The following ACSS3 variants were observed in gnomAD, a reference collection of about 807,000 sequenced individuals.
The protein encoded by ACSS3 is acyl-CoA synthetase short-chain family member 3, mitochondrial.
ACSS3 carries 64 observed loss-of-function variants against 84.2 expected under a neutral mutation model. The observed-to-expected ratio is 0.76, with a 90% CI of 0.62 to 0.94. The LOEUF is 0.94. Among genes scored for constraint, ACSS3 ranks in the 40% least tolerant of loss-of-function variants. ACSS3 has a pLI of 0.00. For missense variants in ACSS3, 815 were observed against 867.6 expected, an observed-to-expected ratio of 0.94 and a Z score of 0.76; for synonymous variants, 317 against 310.1, an observed-to-expected ratio of 1.02 and a Z score of -0.23.
chr12:81,220,908 C>T (rs968713855), intron 11 of ACSS3, among the ~76,000 whole-genome samples: 7 of 151,584 alleles, frequency 4.6e-5, no homozygotes, highest in South Asian at 2.1e-4. Flanking sequence ...AATATTTTTT[C>T]GTCTTGTTTT....
chr12:81,143,423 T>C, intron 5 of ACSS3, 176 bp downstream of exon 5: 1 of 467,710 alleles, frequency 2.1e-6, no homozygotes. Context: ...TGATCTCACC[T>C]GACACAGTTA....
chr12:81,199,544 C>A, intron 9 of ACSS3, 100 bp downstream of exon 9: 1 of 1,462,792 alleles, frequency 6.8e-7, no homozygotes, highest in Non-Finnish European at 9.4e-7. Flanking sequence ...AGATCAGACA[C>A]AAACTCGGGA....
At chr12:81,247,005 T>C (rs767209650) in intron 13 of ACSS3, among the ~76,000 whole-genome samples, 10 of 152,192 alleles carry the variant, frequency 6.6e-5, no homozygotes, top group Admixed American at 1.3e-4. Flanking sequence ...TAATACTTCT[T>C]GTCATGTTGG....
At chr12:81,236,827 G>A (rs1458723872) in intron 13 of ACSS3, among the ~76,000 whole-genome samples, 1 of 151,032 alleles carries the variant, frequency 6.6e-6, no homozygotes, top group Admixed American at 6.6e-5. Flanking sequence ...CTTGGGCCAT[G>A]GTTATTGCTT....
At chr12:81,202,274 G>T (rs956471793) in intron 9 of ACSS3, among the ~76,000 whole-genome samples, 2 of 148,006 alleles carry the variant, frequency 1.4e-5, no homozygotes, top group East Asian at 3.9e-4. Flanking sequence ...GCGAGACTCT[G>T]TCTCAAAATA....
At chr12:81,112,245 T>C (rs994708328) in intron 2 of ACSS3, among the ~76,000 whole-genome samples, 1 of 152,218 alleles carries the variant, frequency 6.6e-6, no homozygotes, top group Non-Finnish European at 1.5e-5. Context: ...CAAATTCTTA[T>C]TGGTATACAA....
chr12:81,178,325 G>T (rs2062196641), intron 8 of ACSS3, among the ~76,000 whole-genome samples: 1 of 142,532 alleles, frequency 7.0e-6, no homozygotes, highest in African/African-American at 2.6e-5. Context: ...GGGATGGGGG[G>T]AGGGGGCAGG....
chr12:81,088,501 C>T (rs1221172005), intron 1 of ACSS3, among the ~76,000 whole-genome samples: 1 of 152,016 alleles, frequency 6.6e-6, no homozygotes, highest in Non-Finnish European at 1.5e-5. Context: ...CAGCTAACAA[C>T]TAAGCTTTTT....
intron 1 of ACSS3, among the ~76,000 whole-genome samples, chr12:81,094,042 A>C (rs932587649): frequency 4.6e-5 from 7 of 152,036 alleles, no homozygotes; most frequent in African/African-American, 1.7e-4. Flanking sequence ...GAATATATAA[A>C]TATTTCCTAA....
chr12:81,177,365 C>T (rs1358885738), intron 8 of ACSS3, among the ~76,000 whole-genome samples: 1 of 152,148 alleles, frequency 6.6e-6, no homozygotes, highest in Non-Finnish European at 1.5e-5. Flanking sequence ...AAGAGGAAGT[C>T]AAACTATCTC....
At position 81,152,075 on chromosome 12, in the gene ACSS3, G is replaced by A. The variant is rs781414153; in HGVS notation, c.1077G>A (p.Gly359=). ...SYICYGPLLH[G]NTTVLYEGKP... The stretch of plus-strand genomic sequence containing the variant: ...TCTGCTATGGACCTCTTCTTCATGG[G>A]AACACAACAGTTTTATATGAGGTAA... Residue 359 remains glycine (G), a synonymous_variant, in exon 7 of 16, where the codon GGG becomes GGA. Transcript: ENST00000548058. 2.5e-6 allele frequency: 4 copies of A among 1,612,448 alleles called. No homozygotes were observed. The highest frequency in any genetic ancestry group is 3.4e-6 in the Non-Finnish European group (4 of 1,179,350).
intron 2 of ACSS3, 91 bp from the exon 3 acceptor site, chr12:81,134,725 G>A (rs987221653): frequency 1.1e-4 from 125 of 1,167,710 alleles, no homozygotes; most frequent in Middle Eastern, 2.2e-4. Flanking sequence ...ACTACCAAGC[G>A]GGTGATCAGC....
chr12:81,232,137 A>G (rs1196711638), intron 12 of ACSS3, among the ~76,000 whole-genome samples: 4 of 151,834 alleles, frequency 2.6e-5, no homozygotes, highest in African/African-American at 7.2e-5. Flanking sequence ...TTGTCAGTAT[A>G]GTTGACTCCA....
chr12:81,252,917 GC>G (rs1320611656), intron 13 of ACSS3, among the ~76,000 whole-genome samples: 4 of 152,206 alleles, frequency 2.6e-5, no homozygotes, highest in African/African-American at 9.7e-5. Context: ...ATGGCAGCCA[GC>G]ATTAAGACCA....
chr12:81,187,172 C>G (rs972720042), intron 8 of ACSS3, among the ~76,000 whole-genome samples: 9 of 151,410 alleles, frequency 5.9e-5, no homozygotes, highest in African/African-American at 2.2e-4. Flanking sequence ...ATCAAAAATA[C>G]AGATATACAG....
chr12:81,163,429 C>T (rs925946867), intron 7 of ACSS3, among the ~76,000 whole-genome samples: 2 of 152,204 alleles, frequency 1.3e-5, no homozygotes, highest in South Asian at 4.1e-4. Context: ...AAAAGTATAA[C>T]ACATGCAATT....
At chr12:81,080,753 C>T (rs899427694) in intron 1 of ACSS3, among the ~76,000 whole-genome samples, 1 of 152,136 alleles carries the variant, frequency 6.6e-6, no homozygotes, top group African/African-American at 2.4e-5. Context: ...TTTTGTTTGG[C>T]TTTATATCCG....
intron 11 of ACSS3, among the ~76,000 whole-genome samples, chr12:81,222,172 A>C (rs2033133380): frequency 6.6e-6 from 1 of 152,096 alleles, no homozygotes. Context: ...AAAGAATTTT[A>C]TTGTGCAGAT....
At chr12:81,086,387 T>C (rs1014299058) in intron 1 of ACSS3, among the ~76,000 whole-genome samples, 1 of 152,154 alleles carries the variant, frequency 6.6e-6, no homozygotes, top group African/African-American at 2.4e-5. Flanking sequence ...TTTTAAAAGA[T>C]GGGCCTTATT....
Sources: gnomAD v4.1 joint callset for allele counts (sites outside exome capture counted in the v4.1 genomes callset) on GRCh38, gnomAD v4.1.1 for gene constraint, MANE v1.5 for transcripts, NCBI Gene and HGNC (gene_info 2026-07-23, HGNC 2026-07-21) for gene names.